The following GALNTL6 variants were observed in gnomAD, a reference collection of about 807,000 sequenced individuals.
GALNTL6 encodes the protein polypeptide N-acetylgalactosaminyltransferase like 6, also known as polypeptide N-acetylgalactosaminyltransferase-like 6.
GALNTL6 carries 46 observed loss-of-function variants against 73.7 expected under a neutral mutation model. The observed-to-expected ratio is 0.62, with a 90% CI of 0.49 to 0.80. The LOEUF (loss-of-function observed/expected upper bound fraction) is 0.80. Ranked by LOEUF, GALNTL6 falls within the 30% of genes least tolerant of loss-of-function variation. The pLI, the probability that GALNTL6 is intolerant of heterozygous loss-of-function variation, is 0.00. For synonymous variants in GALNTL6, 259 were observed against 263.7 expected (o/e 0.98, Z 0.17); for missense variants, 604 against 755.0 (o/e 0.80, Z 2.34).
chr4:172,380,020 G>A lies in GALNTL6; in HGVS notation c.553+31331G>A, dbSNP rs1579015435. 6 of 943,044 alleles carry A rather than the reference G, an allele frequency of 6.4e-6. No homozygotes were observed. The East Asian group carries it at 7.4e-5, about 12-fold the overall frequency. The allele number at this position is 943,044 out of a possible 1,614,324, so 58.4% of individuals were successfully genotyped here. ...GAGAAGTGATGCATACTTGATGATC[G>A]GATCAATTTAAATATTATTCATGGC... On this transcript the variant is annotated intron_variant, in intron 5 of 12. Coordinates refer to ENST00000506823, the MANE Select transcript of GALNTL6 (RefSeq NM_001034845.3).
intron 7 of GALNTL6, among the ~76,000 whole-genome samples, chr4:172,848,886 A>G (rs1325677899): frequency 6.6e-6 from 1 of 152,184 alleles, no homozygotes; most frequent in Non-Finnish European, 1.5e-5. Flanking sequence ...GAGAGCAGTT[A>G]CCATCTGAAA....
chr4:172,055,225 C>A (rs903711194), intron 2 of GALNTL6, among the ~76,000 whole-genome samples: 1 of 152,142 alleles, frequency 6.6e-6, no homozygotes, highest in African/African-American at 2.4e-5. Flanking sequence ...GTTCTCAGAG[C>A]AGCCTCCTTT....
intron 2 of GALNTL6, among the ~76,000 whole-genome samples, chr4:172,199,665 G>A (rs1354639718): frequency 6.6e-6 from 1 of 152,140 alleles, no homozygotes; most frequent in East Asian, 1.9e-4. Flanking sequence ...GAATTGTGGG[G>A]TTCCTCATTG....
chr4:172,061,186 A>G (rs553602555), intron 2 of GALNTL6, among the ~76,000 whole-genome samples: 60 of 152,156 alleles, frequency 3.9e-4, no homozygotes, highest in African/African-American at 1.4e-3. Flanking sequence ...AGAACTTTTC[A>G]GGTCTTTTTT....
At chr4:172,800,572 A>G (rs943088632) in intron 5 of GALNTL6, among the ~76,000 whole-genome samples, 1 of 152,214 alleles carries the variant, frequency 6.6e-6, no homozygotes, top group Non-Finnish European at 1.5e-5. Context: ...ACATTTGGGC[A>G]TTTGAACTGA....
At chr4:171,935,177 T>G (rs2111003179) in intron 2 of GALNTL6, among the ~76,000 whole-genome samples, 1 of 152,254 alleles carries the variant, frequency 6.6e-6, no homozygotes, top group East Asian at 1.9e-4. Flanking sequence ...AACCCTAAAT[T>G]TTATTTTCAA....
At chr4:172,715,801 G>C (rs1232954196) in intron 5 of GALNTL6, among the ~76,000 whole-genome samples, 2 of 152,126 alleles carry the variant, frequency 1.3e-5, no homozygotes, top group Non-Finnish European at 2.9e-5. Flanking sequence ...TCTGCTGTTG[G>C]TGTTAAAAGG....
chr4:172,422,513 G>A (rs1731085928), intron 5 of GALNTL6, among the ~76,000 whole-genome samples: 1 of 151,888 alleles, frequency 6.6e-6, no homozygotes, highest in African/African-American at 2.4e-5. Flanking sequence ...ACCTCTGATT[G>A]TTGAAGTGTC....
intron 2 of GALNTL6, among the ~76,000 whole-genome samples, chr4:171,818,487 G>A (rs1208521971): frequency 7.0e-6 from 1 of 142,684 alleles, no homozygotes; most frequent in Non-Finnish European, 1.5e-5. Context: ...AAATAAAAAT[G>A]AGGGCCAAAA....
At chr4:172,682,721 CA>C (rs1359837451) in intron 5 of GALNTL6, among the ~76,000 whole-genome samples, 1 of 152,038 alleles carries the variant, frequency 6.6e-6, no homozygotes, top group Non-Finnish European at 1.5e-5. Context: ...TCTCCCCACT[CA>C]AAAAGGCTAA....
chr4:172,606,663 C>CTATA (rs373383097), intron 5 of GALNTL6, among the ~76,000 whole-genome samples: 19 of 38,538 alleles, frequency 4.9e-4, no homozygotes, highest in Admixed American at 1.5e-3. Context: ...TATATATATA[C>CTATA]TATATATATA....
intron 10 of GALNTL6, among the ~76,000 whole-genome samples, chr4:172,958,988 G>C (rs574477448): frequency 2.2e-4 from 34 of 152,320 alleles, no homozygotes; most frequent in Non-Finnish European, 4.6e-4. Flanking sequence ...TGTAAGGCTT[G>C]TCTGGTTTTT....
At chr4:172,807,079 CT>C (rs1420639801) in intron 5 of GALNTL6, among the ~76,000 whole-genome samples, 9 of 152,118 alleles carry the variant, frequency 5.9e-5, no homozygotes, top group African/African-American at 2.2e-4. Context: ...CTTTAGTCCC[CT>C]GGCAAGAGAG....
chr4:172,095,848 T>A (rs1051144426), intron 2 of GALNTL6, among the ~76,000 whole-genome samples: 1 of 152,074 alleles, frequency 6.6e-6, no homozygotes, highest in African/African-American at 2.4e-5. Flanking sequence ...AATTATTTTT[T>A]ACTTATCCTA....
At chr4:172,013,473 G>C (rs1741085065) in intron 2 of GALNTL6, among the ~76,000 whole-genome samples, 1 of 130,600 alleles carries the variant, frequency 7.7e-6, no homozygotes. Flanking sequence ...ATCCATATCA[G>C]CTCAAATAAT....
intron 3 of GALNTL6, among the ~76,000 whole-genome samples, chr4:172,302,163 C>T (rs775735589): frequency 2.4e-4 from 36 of 152,180 alleles, no homozygotes; most frequent in Middle Eastern, 3.2e-3. Flanking sequence ...TAGGACCCTC[C>T]GAGCCAGGCA....
intron 5 of GALNTL6, among the ~76,000 whole-genome samples, chr4:172,361,437 A>G (rs974020996): frequency 6.6e-6 from 1 of 152,128 alleles, no homozygotes; most frequent in Admixed American, 6.5e-5. Context: ...GCCAATGTAC[A>G]TAGCAAAACA....
intron 2 of GALNTL6, among the ~76,000 whole-genome samples, chr4:172,080,668 T>C (rs1358435911): frequency 1.3e-5 from 2 of 151,766 alleles, no homozygotes; most frequent in African/African-American, 4.8e-5. Flanking sequence ...ATATCGTATA[T>C]CAATGCATAG....
In GALNTL6 at chr4:172,073,501, A is replaced by T. The variant is rs370429769; in HGVS notation, c.139-156155A>T. Among the ~76,000 whole-genome samples the T allele has an allele frequency of 3.3e-5, 5 of 152,208 alleles. No individual in the cohort carries two copies. In the East Asian group the frequency reaches 7.7e-4, roughly 23 times the overall value. ...TGGAAGAGTAGGGTGCCTTCTGGAG[A>T]TAACAGCTGGCTGCTATGATTTTGA... On this transcript the variant is annotated intron_variant, in intron 2 of 12. Transcript: ENST00000506823.
Sources: gnomAD v4.1 joint callset for allele counts (sites outside exome capture counted in the v4.1 genomes callset) on GRCh38, gnomAD v4.1.1 for gene constraint, MANE v1.5 for transcripts, NCBI Gene and HGNC (gene_info 2026-07-23, HGNC 2026-07-21) for gene names.